The following TSC22D2 variants were observed in gnomAD, a reference collection of about 807,000 sequenced individuals.
TSC22D2 encodes TSC22 domain family protein 2.
TSC22D2 carries 5 observed loss-of-function variants against 50.1 expected under a neutral mutation model. That is an observed-to-expected ratio of 0.10 (90% CI 0.05 to 0.21). The LOEUF is 0.21. TSC22D2 is among the 10% of genes least tolerant of loss of function. The pLI is 1.00. For missense variants in TSC22D2, 1,003 were observed against 1,015.5 expected (o/e 0.99, Z 0.17); for synonymous variants, 501 against 450.1 (o/e 1.11, Z -1.43).
At position 150,409,803 on chromosome 3, in the gene TSC22D2, A is replaced by G. The variant is rs138286637; in HGVS notation, c.453A>G (p.Pro151=). The G allele has an allele frequency of 1.6e-5, 25 of 1,603,494 alleles. No homozygotes were observed. Among genetic ancestry groups the G allele is most frequent in the African/African-American group, 2.7e-5 (2 of 74,904 alleles). ...CCGCCGGGCCAGTGACTGCAGCCCC[A>G]TCTCAGCCTCCCACCACATGTAGTT... is the stretch of plus-strand genomic sequence containing the variant. The part of the protein sequence containing the change: ...GSSAGPVTAA[P]SQPPTTCSSR... Residue 151 remains proline, a synonymous_variant, in exon 1 of 3, where the codon CCA becomes CCG. Transcript: ENST00000688009. The surrounding 1 kb of genome is among the most constrained non-coding windows in gnomAD (Gnocchi z 7.4).
chr3:150,464,427 A>T lies in TSC22D2; in HGVS notation c.*5791A>T, dbSNP rs559114327. Reference sequence around the variant, plus strand: ...TTTAGGTTTCTTTTTTTTATTTTATAAAAAAAATGTTGACATGCAATTTAA... The same window carrying T: ...TTTAGGTTTCTTTTTTTTATTTTATTAAAAAAATGTTGACATGCAATTTAA... On this transcript the variant is annotated 3_prime_UTR_variant, in exon 3 of 3. Coordinates refer to ENST00000688009, the MANE Select transcript of TSC22D2 (RefSeq NM_001303264.2). 33 of 151,960 alleles carry T rather than the reference A, an allele frequency of 2.2e-4. No individual in the cohort carries two copies. The highest frequency in any genetic ancestry group is 7.7e-4 in the African/African-American group (32 of 41,384). The allele number at this position is 151,960 out of a possible 1,614,324, so 9.4% of individuals were successfully genotyped here.
intron 2 of TSC22D2, 85 bp downstream of exon 2, chr3:150,457,212 A>G: frequency 7.8e-7 from 1 of 1,284,422 alleles, no homozygotes; most frequent in Non-Finnish European, 1.1e-6. Context: ...GAAAACAAAT[A>G]AGTTATTTAA....
chr3:150,430,424 A>G (rs1187967694), intron 1 of TSC22D2, among the ~76,000 whole-genome samples: 1 of 152,214 alleles, frequency 6.6e-6, no homozygotes, highest in Non-Finnish European at 1.5e-5. Flanking sequence ...TAGGAATTAC[A>G]GGATTTTACA....
chr3:150,448,842 T>A (rs1002710868), intron 1 of TSC22D2, among the ~76,000 whole-genome samples: 5 of 150,826 alleles, frequency 3.3e-5, no homozygotes, highest in African/African-American at 1.2e-4. Context: ...GTGAAAGAGA[T>A]CTGGAAAAAG....
intron 1 of TSC22D2, chr3:150,438,488 C>G (rs1164364018): frequency 3.2e-5 from 5 of 156,568 alleles, no homozygotes; most frequent in Admixed American, 1.9e-4. Flanking sequence ...ATTTTAAATA[C>G]TTGGAGTATG....
intron 1 of TSC22D2, among the ~76,000 whole-genome samples, chr3:150,411,698 CATA>C (rs1178580828): frequency 1.3e-5 from 2 of 151,906 alleles, no homozygotes; most frequent in Non-Finnish European, 2.9e-5. Context: ...GAGGCTGAGA[CATA>C]ATAATACTAC....
chr3:150,448,581 A>G (rs994199808), intron 1 of TSC22D2, among the ~76,000 whole-genome samples: 5 of 152,202 alleles, frequency 3.3e-5, no homozygotes, highest in African/African-American at 1.2e-4. Flanking sequence ...ATAGGATATT[A>G]ATTAAACTTT....
chr3:150,455,681 C>T (rs6794126), intron 1 of TSC22D2, among the ~76,000 whole-genome samples: 1 of 152,152 alleles, frequency 6.6e-6, no homozygotes, highest in Non-Finnish European at 1.5e-5. Flanking sequence ...CAGGATATTT[C>T]TGAGCCTCAA....
chr3:150,412,419 G>T (rs1235834093), intron 1 of TSC22D2, among the ~76,000 whole-genome samples: 1 of 152,174 alleles, frequency 6.6e-6, no homozygotes. Context: ...GTATGTGGAA[G>T]AATACAATGA....
At chr3:150,416,326 G>A (rs184013459) in intron 1 of TSC22D2, among the ~76,000 whole-genome samples, 4 of 152,114 alleles carry the variant, frequency 2.6e-5, no homozygotes, top group African/African-American at 4.8e-5. Flanking sequence ...ACAAAAGCAG[G>A]TCTGTCTGGT....
At chr3:150,423,158 CTG>C (rs768218756) in intron 1 of TSC22D2, 8 of 1,437,828 alleles carry the variant, frequency 5.6e-6, no homozygotes, top group Non-Finnish European at 7.8e-6. Flanking sequence ...ACATGCAAAA[CTG>C]TATGCATGAA....
At chr3:150,421,371 A>G (rs13066114) in intron 1 of TSC22D2, among the ~76,000 whole-genome samples, 22,652 of 152,092 alleles carry the variant, frequency 0.15, 1,877 homozygotes, top group Non-Finnish European at 0.2. Flanking sequence ...TGAATGTTCA[A>G]TTGGTTCAGT....
chr3:150,444,132 A>G (rs754873475), intron 1 of TSC22D2, among the ~76,000 whole-genome samples: 8 of 152,182 alleles, frequency 5.3e-5, no homozygotes, highest in Non-Finnish European at 1.0e-4. Context: ...AGATGCAAGG[A>G]ACATCAAAAA....
intron 1 of TSC22D2, among the ~76,000 whole-genome samples, chr3:150,455,535 G>C (rs1200065649): frequency 6.6e-6 from 1 of 152,174 alleles, no homozygotes; most frequent in Non-Finnish European, 1.5e-5. Flanking sequence ...AAGATTTCAA[G>C]GATTTAGAAG....
At chr3:150,444,364 A>G (rs1720812467) in intron 1 of TSC22D2, among the ~76,000 whole-genome samples, 1 of 152,172 alleles carries the variant, frequency 6.6e-6, no homozygotes, top group Non-Finnish European at 1.5e-5. Flanking sequence ...TTCAAGTAAT[A>G]TGTTTACTAT....
intron 1 of TSC22D2, among the ~76,000 whole-genome samples, chr3:150,453,573 C>A (rs1576558546): frequency 6.6e-6 from 1 of 152,046 alleles, no homozygotes; most frequent in East Asian, 1.9e-4. Flanking sequence ...AAGAGTAAAT[C>A]TGGGGTGGGT....
intron 1 of TSC22D2, 198 bp from the exon 2 acceptor site, chr3:150,456,878 T>G: frequency 1.8e-6 from 1 of 563,768 alleles, no homozygotes; most frequent in Non-Finnish European, 3.1e-6. Context: ...ACAAAGGACC[T>G]GTAGAAATCA....
intron 1 of TSC22D2, among the ~76,000 whole-genome samples, chr3:150,417,198 A>T (rs539258725): frequency 1.3e-5 from 2 of 152,242 alleles, no homozygotes; most frequent in South Asian, 4.1e-4. Context: ...TTTGTGATTA[A>T]TGTGTCAATT....
At chr3:150,436,897 G>C (rs960822064) in intron 1 of TSC22D2, among the ~76,000 whole-genome samples, 1 of 152,102 alleles carries the variant, frequency 6.6e-6, no homozygotes. Context: ...CTGTACATTT[G>C]GGTCAAGTAT....
Sources: allele counts gnomAD v4.1 joint callset (sites outside exome capture counted in the v4.1 genomes callset), GRCh38; gene constraint gnomAD v4.1.1; non-coding constraint Gnocchi (gnomAD v3.1); transcripts MANE v1.5; gene names NCBI Gene and HGNC (gene_info 2026-07-23, HGNC 2026-07-21).